Variants in CAMTA1 observed in about 807,000 individuals in gnomAD.
The protein encoded by CAMTA1 is calmodulin binding transcription activator 1.
CAMTA1 carries 27 observed loss-of-function variants against 170.9 expected under a neutral mutation model. That is an observed-to-expected ratio of 0.16 (90% confidence interval 0.12 to 0.22). The LOEUF (loss-of-function observed/expected upper bound fraction) is 0.22, where lower values mean the gene tolerates loss of function less well. Among genes scored for constraint, CAMTA1 ranks in the 10% least tolerant of loss-of-function variants. The probability of loss-of-function intolerance (pLI) is 1.00; values close to 1 mark genes in which losing one functional copy is unlikely to be tolerated. For synonymous variants in CAMTA1, 833 were observed against 891.5 expected, an observed-to-expected ratio of 0.93 and a Z score of 1.17; for missense variants, 1,619 against 2,217.2, an observed-to-expected ratio of 0.73 and a Z score of 5.42.
chr1:7,651,188 C>T (rs1200667143), intron 7 of CAMTA1, among the ~76,000 whole-genome samples: 1 of 152,114 alleles, frequency 6.6e-6, no homozygotes, highest in East Asian at 1.9e-4. Context: ...AAATGGCCAC[C>T]CTCTTTCTGG....
intron 5 of CAMTA1, among the ~76,000 whole-genome samples, chr1:7,271,565 G>GAGATAGATAGAT (rs138661434): frequency 0.03 from 4,219 of 142,808 alleles, 67 homozygotes; most frequent in Middle Eastern, 0.039. Flanking sequence ...ACTGAGAAAA[G>GAGATAGATAGAT]AGATAGATAG....
intron 4 of CAMTA1, among the ~76,000 whole-genome samples, chr1:7,244,107 A>T (rs1330147370): frequency 1.3e-5 from 2 of 152,248 alleles, no homozygotes; most frequent in African/African-American, 2.4e-5. Context: ...TCTCAAAAGA[A>T]GACATTTATG....
chr1:6,794,048 CAA>C (rs969162200), intron 1 of CAMTA1, among the ~76,000 whole-genome samples: 3 of 152,000 alleles, frequency 2.0e-5, no homozygotes, highest in African/African-American at 7.2e-5. Flanking sequence ...AAAATAATCT[CAA>C]AGTGATGACT....
chr1:6,982,754 G>A (rs1335803206), intron 3 of CAMTA1, among the ~76,000 whole-genome samples: 2 of 148,470 alleles, frequency 1.3e-5, no homozygotes, highest in African/African-American at 4.9e-5. Context: ...ACTCCACAGG[G>A]ATCCTCGCTC....
intron 5 of CAMTA1, among the ~76,000 whole-genome samples, chr1:7,375,648 T>A (rs1415548234): frequency 6.6e-6 from 1 of 152,194 alleles, no homozygotes; most frequent in Non-Finnish European, 1.5e-5. Context: ...CTGTGCAGGC[T>A]GGCACCACTG....
intron 7 of CAMTA1, among the ~76,000 whole-genome samples, chr1:7,652,490 C>T (rs759266760): frequency 3.3e-5 from 5 of 152,280 alleles, no homozygotes; most frequent in African/African-American, 9.6e-5. Flanking sequence ...GCCAGGGACT[C>T]GGGAGCTTCT....
intron 3 of CAMTA1, among the ~76,000 whole-genome samples, chr1:6,830,650 A>G (rs1174180692): frequency 6.6e-6 from 1 of 151,388 alleles, no homozygotes; most frequent in Admixed American, 6.6e-5. Context: ...GCTTAAAACA[A>G]TTTATTGAGG....
At chr1:7,066,247 G>C (rs1422805279) in intron 3 of CAMTA1, among the ~76,000 whole-genome samples, 1 of 152,208 alleles carries the variant, frequency 6.6e-6, no homozygotes, top group African/African-American at 2.4e-5. Flanking sequence ...GGGCATCCCT[G>C]GCTCCTGGGG....
chr1:7,338,899 A>C (rs2083587978), intron 5 of CAMTA1, among the ~76,000 whole-genome samples: 1 of 152,244 alleles, frequency 6.6e-6, no homozygotes, highest in African/African-American at 2.4e-5. Context: ...CAGGCTGTAC[A>C]GGAAGCATGG....
chr1:7,346,181 G>A (rs1271457845), intron 5 of CAMTA1, among the ~76,000 whole-genome samples: 4 of 152,150 alleles, frequency 2.6e-5, no homozygotes, highest in African/African-American at 9.7e-5. Flanking sequence ...TATCTTCCTG[G>A]AAGCTATGAA....
chr1:7,546,486 C>T (rs1182177452), intron 6 of CAMTA1, among the ~76,000 whole-genome samples: 1 of 152,124 alleles, frequency 6.6e-6, no homozygotes, highest in African/African-American at 2.4e-5. Context: ...ATCTTTATAA[C>T]AAAATGATTT....
intron 5 of CAMTA1, among the ~76,000 whole-genome samples, chr1:7,374,062 C>T (rs1038323611): frequency 5.9e-5 from 9 of 152,204 alleles, no homozygotes; most frequent in African/African-American, 1.9e-4. Flanking sequence ...CCTGCCTCCC[C>T]GCCTCACTGG....
chr1:7,131,913 G>A (rs942867408), intron 4 of CAMTA1, among the ~76,000 whole-genome samples: 6 of 151,824 alleles, frequency 4.0e-5, no homozygotes, highest in African/African-American at 7.3e-5. Context: ...AAAATTAGCC[G>A]GCATGGTGGC....
At position 7,234,301 on chromosome 1, in the gene CAMTA1, C is replaced by T. The variant is rs972528366; in HGVS notation, c.303-15190C>T. 2.0e-5 allele frequency among the ~76,000 whole-genome samples: 3 copies of T among 152,198 alleles called. No individual in the cohort carries two copies. The highest frequency in any genetic ancestry group is 1.9e-4 in the East Asian group (1 of 5,188). ...GCATTCATGTCCTTGCCTTCGCCTC[C>T]GCTTCCACCCAGATGCTGCGTCCTG... is the stretch of plus-strand genomic sequence containing the variant. On this transcript the variant is annotated intron_variant, in intron 4 of 22. Transcript: ENST00000303635. This position sits in a 1 kb window ranked among gnomAD's most constrained non-coding sequence, Gnocchi z 5.0.
Position 7,665,105 on chromosome 1 carries a change from C to T in CAMTA1, c.2558C>T (p.Ser853Leu), listed in dbSNP as rs761945718. ...MAYMHVAEVVSAASAQGTLGM... is the reference protein window; with the variant it reads ...MAYMHVAEVVLAASAQGTLGM... ...TACATGCACGTCGCCGAGGTGGTCT[C>T]GGCCGCCTCGGCCCAGGGCACCCTA... Residue 853 changes from serine (S) to leucine (L), a missense_variant, in exon 9 of 23, where the codon TCG becomes TTG. Coordinates refer to ENST00000303635, the MANE Select transcript of CAMTA1 (RefSeq NM_015215.4). The surrounding 1 kb of genome is among the most constrained non-coding windows in gnomAD (Gnocchi z 4.3). 7 of 1,530,842 alleles carry T rather than the reference C, an allele frequency of 4.6e-6. No homozygotes were observed. Among genetic ancestry groups the T allele is most frequent in the South Asian group, 1.3e-5 (1 of 77,730 alleles). The allele number at this position is 1,530,842 out of a possible 1,614,324, so 94.8% of individuals were successfully genotyped here.
In CAMTA1 at chr1:7,227,527, C is replaced by T. The variant is rs147548955; in HGVS notation, c.303-21964C>T. Among the ~76,000 whole-genome samples, 25 of 152,150 alleles carry T rather than the reference C, an allele frequency of 1.6e-4. 1 individual carries two copies. Among genetic ancestry groups the T allele is most frequent in the African/African-American group, 6.0e-4 (25 of 41,514 alleles). On this transcript the variant is annotated intron_variant, in intron 4 of 22. Transcript: ENST00000303635. ...TATTTTTAGTAGAGACGGGGTTTCT[C>T]CATGTTGGTCAGGCTGGTCTCGAAC...
intron 3 of CAMTA1, among the ~76,000 whole-genome samples, chr1:6,873,416 C>T (rs2149004369): frequency 6.6e-6 from 1 of 152,212 alleles, no homozygotes; most frequent in Admixed American, 6.5e-5. Context: ...TACATGGAAG[C>T]CATGTGGGGG....
At position 7,765,898 on chromosome 1, in the gene CAMTA1, G is replaced by T. The variant is rs2097018573; in HGVS notation, c.4990-561G>T. On this transcript the variant is annotated intron_variant, in intron 22 of 22. Transcript: ENST00000303635. Reference sequence around the variant, plus strand: ...GAAAATTAGCCGGGTGTGGTGGCGGGCGCCTGTAGTCCCAGCTACTCGGGA... The same window carrying T: ...GAAAATTAGCCGGGTGTGGTGGCGGTCGCCTGTAGTCCCAGCTACTCGGGA... 4.0e-5 allele frequency among the ~76,000 whole-genome samples: 6 copies of T among 151,832 alleles called. No homozygotes were observed. The South Asian group carries it at 1.2e-3, about 32-fold the overall frequency.
At chr1:6,857,775 G>A (rs1447222341) in intron 3 of CAMTA1, among the ~76,000 whole-genome samples, 1 of 152,164 alleles carries the variant, frequency 6.6e-6, no homozygotes, top group Admixed American at 6.5e-5. Context: ...GGAGCTTAAT[G>A]TTCTAAAGTG....
Sources: allele counts gnomAD v4.1 joint callset (sites outside exome capture counted in the v4.1 genomes callset), GRCh38; gene constraint gnomAD v4.1.1; non-coding constraint Gnocchi (gnomAD v3.1); transcripts MANE v1.5; gene names NCBI Gene and HGNC (gene_info 2026-07-23, HGNC 2026-07-21).